NCAM2: variants seen among roughly 807,000 people sequenced by gnomAD.
NCAM2 encodes neural cell adhesion molecule 2.
In NCAM2, 30 loss-of-function variants were observed where a neutral mutation model predicts 98.1. The ratio of observed to expected loss-of-function variants is 0.31; its 90% confidence interval spans 0.23 to 0.41. The LOEUF is 0.41. NCAM2 is among the 10% of genes least tolerant of loss of function. NCAM2 has a pLI of 1.00. For missense variants in NCAM2, 867 were observed against 1,005.8 expected, an observed-to-expected ratio of 0.86 and a Z score of 1.87; for synonymous variants, 368 against 342.4, an observed-to-expected ratio of 1.07 and a Z score of -0.83.
chr21:21,535,156 T>C (rs924021545), intron 17 of NCAM2, among the ~76,000 whole-genome samples: 1 of 152,126 alleles, frequency 6.6e-6, no homozygotes, highest in African/African-American at 2.4e-5. Flanking sequence ...TGATGCTTGG[T>C]TTCCATTCTT....
chr21:21,479,742 A>T (rs537333892), intron 15 of NCAM2, among the ~76,000 whole-genome samples: 10 of 148,224 alleles, frequency 6.7e-5, no homozygotes, highest in South Asian at 4.3e-4. Flanking sequence ...ATATATATAT[A>T]TTTTTCAATT....
intron 1 of NCAM2, among the ~76,000 whole-genome samples, chr21:21,090,887 C>A (rs959587621): frequency 1.8e-4 from 27 of 152,294 alleles, no homozygotes; most frequent in African/African-American, 6.5e-4. Flanking sequence ...AGAATCTGAG[C>A]TTCCCTGATG....
At chr21:21,479,440 C>T (rs1985576759) in intron 15 of NCAM2, among the ~76,000 whole-genome samples, 1 of 151,170 alleles carries the variant, frequency 6.6e-6, no homozygotes, top group Non-Finnish European at 1.5e-5. Flanking sequence ...AAAAATTAGC[C>T]GGGCGTGGTG....
At chr21:21,053,372 A>G (rs749593159) in intron 1 of NCAM2, among the ~76,000 whole-genome samples, 20 of 151,892 alleles carry the variant, frequency 1.3e-4, no homozygotes, top group Middle Eastern at 3.2e-3. Context: ...TTACTTGTGT[A>G]TATTACAAAA....
At chr21:21,354,355 C>T (rs189324255) in intron 8 of NCAM2, among the ~76,000 whole-genome samples, 12 of 152,236 alleles carry the variant, frequency 7.9e-5, no homozygotes, top group Non-Finnish European at 1.5e-4. Context: ...CATCTCTTTT[C>T]TGTATTCATG....
At chr21:21,310,750 T>G (rs2074023471) in intron 5 of NCAM2, among the ~76,000 whole-genome samples, 1 of 152,180 alleles carries the variant, frequency 6.6e-6, no homozygotes, top group Non-Finnish European at 1.5e-5. Flanking sequence ...ATACATAGAT[T>G]CATCTTGGCT....
At chr21:21,091,198 TTTTG>T (rs901184611) in intron 1 of NCAM2, among the ~76,000 whole-genome samples, 1 of 152,156 alleles carries the variant, frequency 6.6e-6, no homozygotes, top group Non-Finnish European at 1.5e-5. Context: ...TCACTGAGGT[TTTTG>T]TTTGTTTTTA....
chr21:21,226,284 C>A (rs2070380208), intron 1 of NCAM2, among the ~76,000 whole-genome samples: 1 of 151,806 alleles, frequency 6.6e-6, no homozygotes, highest in South Asian at 2.1e-4. Flanking sequence ...AACAAACCTG[C>A]ACATATACCC....
In NCAM2 at chr21:21,418,638, A is replaced by G; in HGVS notation, c.1480+69A>G. On this transcript the variant is annotated intron_variant, in intron 11 of 17. Transcript: ENST00000400546. Reference sequence around the variant, plus strand: ...TGAGAGCAAATGAAAATTTAAGTTGATAAAGTGGTCTCATTTACATGTGGG... The same window carrying G: ...TGAGAGCAAATGAAAATTTAAGTTGGTAAAGTGGTCTCATTTACATGTGGG... 2.6e-6 allele frequency: 3 copies of G among 1,134,966 alleles called. 1 individual carries two copies. The highest frequency in any genetic ancestry group is 2.5e-5 in the South Asian group (2 of 80,658). The allele number at this position is 1,134,966 out of a possible 1,614,324, so 70.3% of individuals were successfully genotyped here.
chr21:21,507,594 C>G (rs1015632653), intron 15 of NCAM2, among the ~76,000 whole-genome samples: 3 of 151,864 alleles, frequency 2.0e-5, no homozygotes, highest in Non-Finnish European at 2.9e-5. Flanking sequence ...GAGATCGAGA[C>G]CATCCTGGCT....
At chr21:21,088,771 T>C (rs1448635319) in intron 1 of NCAM2, among the ~76,000 whole-genome samples, 1 of 152,002 alleles carries the variant, frequency 6.6e-6, no homozygotes. Context: ...GGCAGGCGGA[T>C]CACGAGGTCA....
chr21:21,331,557 TACTCTATATACATATATATATAG>T (rs2074699993), intron 6 of NCAM2, among the ~76,000 whole-genome samples: 1 of 3,186 alleles, frequency 3.1e-4, no homozygotes, highest in East Asian at 6.8e-3. Flanking sequence ...TATATATATA[TACTCTATATACATATATATATAG>T]AGAGAGAGAG....
chr21:21,267,599 A>G (rs1283106327), intron 1 of NCAM2, among the ~76,000 whole-genome samples: 1 of 152,148 alleles, frequency 6.6e-6, no homozygotes, highest in Non-Finnish European at 1.5e-5. Flanking sequence ...TTGTAGATAC[A>G]ATTTTGATTG....
intron 15 of NCAM2, among the ~76,000 whole-genome samples, chr21:21,504,373 G>T (rs1047006584): frequency 6.6e-6 from 1 of 151,626 alleles, no homozygotes; most frequent in African/African-American, 2.4e-5. Flanking sequence ...GTATTCTGAT[G>T]ATCTTAAAAA....
At chr21:21,010,502 T>A (rs1568923868) in intron 1 of NCAM2, among the ~76,000 whole-genome samples, 1 of 152,258 alleles carries the variant, frequency 6.6e-6, no homozygotes, top group East Asian at 1.9e-4. Flanking sequence ...TTTATTTTAA[T>A]GAAACATTTT....
chr21:21,132,410 A>C (rs1242854794), intron 1 of NCAM2, among the ~76,000 whole-genome samples: 1 of 150,500 alleles, frequency 6.6e-6, no homozygotes, highest in Non-Finnish European at 1.5e-5. Context: ...TTTTTCATAT[A>C]ATTCAACATA....
At chr21:21,151,929 A>C (rs2067460229) in intron 1 of NCAM2, among the ~76,000 whole-genome samples, 1 of 151,922 alleles carries the variant, frequency 6.6e-6, no homozygotes, top group Admixed American at 6.6e-5. Flanking sequence ...GTTATGATAT[A>C]CCTCATTATA....
chr21:21,410,293 A>C lies in NCAM2; in HGVS notation c.1215A>C (p.Ser405=). Reference sequence around the variant, plus strand: ...TTACAGATGCCCCCAAGTTTATATCAAACCAAACAATTTATTACTCTTGGG... The same window carrying C: ...TTACAGATGCCCCCAAGTTTATATCCAACCAAACAATTTATTACTCTTGGG... ...LDIEYAPKFI[S]NQTIYYSWEG... is the part of the protein sequence containing the mutation. The change falls in exon 10 of 18, where the codon TCA becomes TCC. Residue 405 remains serine, a synonymous_variant. Transcript: ENST00000400546. 2 of 1,565,520 alleles carry C rather than the reference A, an allele frequency of 1.3e-6. No homozygotes were observed. Among genetic ancestry groups the C allele is most frequent in the Non-Finnish European group, 1.7e-6 (2 of 1,156,514 alleles).
intron 1 of NCAM2, among the ~76,000 whole-genome samples, chr21:21,181,695 C>G (rs558739549): frequency 5.3e-5 from 8 of 152,102 alleles, no homozygotes. Context: ...CTTCTTCATT[C>G]CTTACTCAGT....
Sources: gnomAD v4.1 joint callset for allele counts (sites outside exome capture counted in the v4.1 genomes callset) on GRCh38, gnomAD v4.1.1 for gene constraint, MANE v1.5 for transcripts, NCBI Gene and HGNC (gene_info 2026-07-23, HGNC 2026-07-21) for gene names.